Variants in PLA2G6 observed in about 807,000 individuals in gnomAD.
PLA2G6 encodes the protein phospholipase A2 group VI, also known as 85/88 kDa calcium-independent phospholipase A2.
Under a neutral mutation model 83.8 loss-of-function variants are expected in PLA2G6, and 62 were observed. That is an observed-to-expected ratio of 0.74 (90% CI 0.60 to 0.91). The LOEUF (loss-of-function observed/expected upper bound fraction) is 0.91. Among genes scored for constraint, PLA2G6 ranks in the 40% least tolerant of loss-of-function variants. PLA2G6 has a pLI of 0.00. For missense variants in PLA2G6, 944 were observed against 1,102.0 expected, an observed-to-expected ratio of 0.86 and a Z score of 2.03; for synonymous variants, 417 against 449.8, an observed-to-expected ratio of 0.93 and a Z score of 0.92.
intron 2 of PLA2G6, among the ~76,000 whole-genome samples, chr22:38,158,681 GGTCA>G (rs1359746571): frequency 6.6e-6 from 1 of 152,146 alleles, no homozygotes; most frequent in Non-Finnish European, 1.5e-5. Context: ...GGCCAGCATA[GGTCA>G]GTGTCTATAA....
At chr22:38,119,509 G>T (rs370716800) in intron 12 of PLA2G6, among the ~76,000 whole-genome samples, 1 of 152,286 alleles carries the variant, frequency 6.6e-6, no homozygotes, top group East Asian at 1.9e-4. Context: ...GTGCTGCTTG[G>T]GGGCAGCAAA....
intron 5 of PLA2G6, chr22:38,137,402 G>C (rs2088622691): frequency 1.3e-5 from 2 of 152,540 alleles, no homozygotes; most frequent in Admixed American, 1.3e-4. Flanking sequence ...AGCTCCTAGT[G>C]CAGCCCCCAG....
At chr22:38,180,137 G>GCAGACACACACACACA (rs1568986552) in intron 1 of PLA2G6, among the ~76,000 whole-genome samples, 1 of 122,758 alleles carries the variant, frequency 8.1e-6, no homozygotes, top group Non-Finnish European at 1.6e-5. Flanking sequence ...ATAGATGTCT[G>GCAGACACACACACACA]CAGACACACA....
In PLA2G6 at chr22:38,145,610, G is replaced by A; in HGVS notation, c.253C>T (p.His85Tyr). 1 of 1,613,764 alleles carries A rather than the reference G, an allele frequency of 6.2e-7. No individual in the cohort carries two copies. Among genetic ancestry groups the A allele is most frequent in the Non-Finnish European group, 8.5e-7 (1 of 1,179,882 alleles). ...ELEADALVNF[H>Y]QYSSQLLPFY... The stretch of plus-strand genomic sequence containing the variant: ...GGTAGCAGCTGGGAAGAATACTGAT[G>A]GAAATTCACTAGGGCGTCAGCCTCC... Residue 85 changes from histidine (H) to tyrosine (Y), a missense_variant, in exon 3 of 17, where the codon CAT (histidine) becomes TAT (tyrosine). By Grantham distance (83) the His-to-Tyr change is moderately conservative. Coordinates refer to ENST00000332509, the MANE Select transcript of PLA2G6 (RefSeq NM_003560.4).
At chr22:38,113,444 C>T (rs1233324805) in intron 15 of PLA2G6, 43 bp downstream of exon 15, 1 of 1,600,644 alleles carries the variant, frequency 6.2e-7, no homozygotes, top group South Asian at 1.1e-5. Context: ...ACCTGGGCTA[C>T]AGACCCTGAG....
chr22:38,151,651 A>G (rs1486702602), intron 2 of PLA2G6, among the ~76,000 whole-genome samples: 1 of 152,198 alleles, frequency 6.6e-6, no homozygotes, highest in Non-Finnish European at 1.5e-5. Context: ...CTAAATAAGT[A>G]TTGATGGTAT....
intron 2 of PLA2G6, among the ~76,000 whole-genome samples, chr22:38,162,845 G>T (rs975837506): frequency 6.6e-6 from 1 of 152,154 alleles, no homozygotes; most frequent in African/African-American, 2.4e-5. Flanking sequence ...CGGGGCAAGC[G>T]GGTCCTTCAA....
chr22:38,158,441 G>T (rs1219919772), intron 2 of PLA2G6, among the ~76,000 whole-genome samples: 3 of 152,158 alleles, frequency 2.0e-5, no homozygotes, highest in Admixed American at 2.0e-4. Flanking sequence ...ACAGTGCTGG[G>T]ATTACAGGCG....
intron 2 of PLA2G6, chr22:38,148,617 C>T: frequency 1.4e-6 from 1 of 711,110 alleles, no homozygotes; most frequent in Non-Finnish European, 2.6e-6. Context: ...GACTGGAGCC[C>T]AGGCGTCTGC....
At chr22:38,151,299 T>G (rs1412346328) in intron 2 of PLA2G6, among the ~76,000 whole-genome samples, 2 of 151,562 alleles carry the variant, frequency 1.3e-5, no homozygotes, top group African/African-American at 4.8e-5. Flanking sequence ...CACGCTGGAG[T>G]GCAGTGGTGC....
At position 38,123,085 on chromosome 22, in the gene PLA2G6, C is replaced by G; in HGVS notation, c.1591+10G>C. ...CCCCGCCTGGCCCCATCCCCAGGGG[C>G]CGCCCTCACTGTGCAGAATGGCCAG... On this transcript the variant is annotated intron_variant, in intron 11 of 16. Coordinates refer to ENST00000332509, the MANE Select transcript of PLA2G6 (RefSeq NM_003560.4). The surrounding 1 kb of genome is among the most constrained non-coding windows in gnomAD (Gnocchi z 4.1). 1.9e-6 allele frequency: 3 copies of G among 1,547,672 alleles called. No homozygotes were observed. The highest frequency in any genetic ancestry group is 2.6e-6 in the Non-Finnish European group (3 of 1,146,796).
chr22:38,159,102 A>G (rs1488253688), intron 2 of PLA2G6, among the ~76,000 whole-genome samples: 2 of 152,252 alleles, frequency 1.3e-5, no homozygotes, highest in Non-Finnish European at 2.9e-5. Context: ...AGGTTTTCAA[A>G]AAATAAACAA....
In PLA2G6 at chr22:38,120,844, T is replaced by A; in HGVS notation, c.1657A>T (p.Arg553Trp). Residue 553 changes from arginine to tryptophan, a missense_variant, in exon 12 of 17, where the codon AGG (arginine) becomes TGG (tryptophan). Arg to Trp is a moderately radical substitution (Grantham distance 101). Transcript: ENST00000332509. ...TCCAGGGGCCCCGACTCGTAGGGCC[T>A]GGAGCCCCGGAACACCTCATCCTTC... is the stretch of plus-strand genomic sequence containing the variant. ...RMKDEVFRGS[R>W]PYESGPLEEF... The A allele has an allele frequency of 6.2e-7, 1 of 1,613,906 alleles. No individual in the cohort carries two copies. Among genetic ancestry groups the A allele is most frequent in the Non-Finnish European group, 8.5e-7 (1 of 1,180,008 alleles).
chr22:38,167,614 C>T (rs2090271320), intron 2 of PLA2G6, among the ~76,000 whole-genome samples: 1 of 152,160 alleles, frequency 6.6e-6, no homozygotes, highest in Non-Finnish European at 1.5e-5. Flanking sequence ...TCTGCTCAGC[C>T]CCATCTGCAC....
chr22:38,123,203 G>GGAT lies in PLA2G6; in HGVS notation c.1480_1482dup (p.Ile494dup). The GGAT allele has an allele frequency of 6.4e-7, 1 of 1,554,742 alleles. No individual in the cohort carries two copies. The highest frequency in any genetic ancestry group is 8.7e-7 in the Non-Finnish European group (1 of 1,148,952). On this transcript the variant is annotated inframe_insertion, in exon 11 of 17. Transcript: ENST00000332509. This position sits in a 1 kb window ranked among gnomAD's most constrained non-coding sequence, Gnocchi z 4.1. ...GCCTTCTCGATGGCGATGAGGAGCT[G>GGAT]GATGATGATGAGGCCTTTCACTCCT...
intron 1 of PLA2G6, among the ~76,000 whole-genome samples, chr22:38,174,798 G>A (rs904957129): frequency 2.0e-5 from 3 of 152,154 alleles, no homozygotes; most frequent in Non-Finnish European, 4.4e-5. Flanking sequence ...AGGAGGGGCC[G>A]TGGTTAGTGC....
chr22:38,169,319 G>T lies in PLA2G6; in HGVS notation c.108C>A (p.Asp36Glu). 1 of 1,614,194 alleles carries T rather than the reference G, an allele frequency of 6.2e-7. No individual in the cohort carries two copies. Among genetic ancestry groups the T allele is most frequent in the South Asian group, 1.1e-5 (1 of 91,088 alleles). The change falls in exon 2 of 17, where the codon GAC (aspartate) becomes GAA (glutamate). Residue 36 changes from aspartate to glutamate, a missense_variant. Transcript: ENST00000332509. Reference protein sequence around the residue: ...EVAVADYTSSDRVREEGQLIL... With the variant: ...EVAVADYTSSERVREEGQLIL... ...TCAGCTGCCCTTCCTCCCGAACTCG[G>T]TCACTCGAGGTGTAGTCGGCCACAG... is the stretch of plus-strand genomic sequence containing the variant.
chr22:38,164,915 C>A (rs141569179), intron 2 of PLA2G6, among the ~76,000 whole-genome samples: 5 of 152,214 alleles, frequency 3.3e-5, no homozygotes, highest in South Asian at 4.2e-4. Context: ...ACTGCAATGA[C>A]CACCCCCGGC....
In PLA2G6 at chr22:38,129,565, G is replaced by T. The variant is rs746666741; in HGVS notation, c.1078-3C>A. On this transcript the variant is annotated splice_polypyrimidine_tract_variant and splice_region_variant and intron_variant, in intron 7 of 16. Transcript: ENST00000332509. ...TTGATCATCTCCACGTTGTCTTTCT[G>T]TTGGAGATGGAGAGAGGATAAGACG... 53 of 1,607,278 alleles carry T rather than the reference G, an allele frequency of 3.3e-5. No homozygotes were observed. Among genetic ancestry groups the T allele is most frequent in the Non-Finnish European group, 4.3e-5 (51 of 1,174,004 alleles).
Sources: allele counts gnomAD v4.1 joint callset (sites outside exome capture counted in the v4.1 genomes callset), GRCh38; gene constraint gnomAD v4.1.1; non-coding constraint Gnocchi (gnomAD v3.1); transcripts MANE v1.5; gene names NCBI Gene and HGNC (gene_info 2026-07-23, HGNC 2026-07-21).